The following SHPRH variants were observed in gnomAD, a reference collection of about 807,000 sequenced individuals.
The protein encoded by SHPRH is E3 ubiquitin-protein ligase SHPRH.
SHPRH carries 106 observed loss-of-function variants against 202.5 expected under a neutral mutation model. The observed-to-expected ratio is 0.52, with a 90% CI of 0.45 to 0.62. The LOEUF (loss-of-function observed/expected upper bound fraction) is 0.62, where lower values mean the gene tolerates loss of function less well. Among genes scored for constraint, SHPRH ranks in the 20% least tolerant of loss-of-function variants. The pLI is 0.00. For missense variants in SHPRH, 1,710 were observed against 2,020.0 expected (o/e 0.85, Z 2.94); for synonymous variants, 729 against 686.0 (o/e 1.06, Z -0.98).
At chr6:145,887,816 C>T (rs931955593) in intron 29 of SHPRH, among the ~76,000 whole-genome samples, 10 of 152,158 alleles carry the variant, frequency 6.6e-5, no homozygotes, top group African/African-American at 2.4e-4. Flanking sequence ...TTTATATTTA[C>T]ATGTTACAAT....
At chr6:145,870,293 ACT>A (rs1319715174) in intron 2 of SHPRH, among the ~76,000 whole-genome samples, 1 of 126,286 alleles carries the variant, frequency 7.9e-6, no homozygotes, top group East Asian at 2.5e-4. Flanking sequence ...ATGGAGTCTC[ACT>A]CTGTCGCCCA....
chr6:145,947,120 TA>T (rs1244721128), intron 6 of SHPRH, among the ~76,000 whole-genome samples: 7 of 152,126 alleles, frequency 4.6e-5, no homozygotes, highest in African/African-American at 1.7e-4. Flanking sequence ...GATTTATATA[TA>T]TGAGATTTGT....
chr6:145,889,547 A>C (rs1781406629), intron 28 of SHPRH, among the ~76,000 whole-genome samples: 1 of 152,156 alleles, frequency 6.6e-6, no homozygotes, highest in Non-Finnish European at 1.5e-5. Context: ...CACAGTCAAA[A>C]CACATTAAAA....
At chr6:145,926,949 A>G (rs540566660) in intron 15 of SHPRH, among the ~76,000 whole-genome samples, 1 of 151,940 alleles carries the variant, frequency 6.6e-6, no homozygotes, top group Non-Finnish European at 1.5e-5. Context: ...TTTTAACTGT[A>G]GCTTATATAG....
Position 145,891,537 on chromosome 6 carries a change from C to T in SHPRH, c.4874+1678G>A, listed in dbSNP as rs79562139. The stretch of plus-strand genomic sequence containing the variant: ...CTACCAACCCCATTACAGCTAGAAT[C>T]GCACTCCATGAGGACATCTCATGTT... On this transcript the variant is annotated intron_variant, in intron 28 of 29. Coordinates refer to ENST00000275233, the MANE Select transcript of SHPRH (RefSeq NM_001042683.3). Among the ~76,000 whole-genome samples, 1,078 of 152,244 alleles carry T rather than the reference C, an allele frequency of 7.1e-3. 10 individuals carry two copies. The highest frequency in any genetic ancestry group is 0.024 in the African/African-American group (994 of 41,550).
intron 1 of SHPRH, among the ~76,000 whole-genome samples, chr6:145,958,676 T>C (rs759838982): frequency 3.3e-5 from 5 of 152,184 alleles, no homozygotes; most frequent in South Asian, 2.1e-4. Context: ...AAGGTAGTTA[T>C]TGGCTGCATG....
intron 13 of SHPRH, among the ~76,000 whole-genome samples, chr6:145,933,542 A>C (rs1785698408): frequency 6.6e-6 from 1 of 152,156 alleles, no homozygotes; most frequent in African/African-American, 2.4e-5. Context: ...ATATTTTTTT[A>C]ATCAGTAAAA....
chr6:145,910,433 C>T lies in SHPRH; in HGVS notation c.4515+15G>A. On this transcript the variant is annotated intron_variant, in intron 25 of 29. Transcript: ENST00000275233. ...TGCCTTACCTATGCTTCTATGTGTT[C>T]CTGACCTACTTTACCTTCACAGGGA... is the stretch of plus-strand genomic sequence containing the variant. The T allele has an allele frequency of 6.2e-7, 1 of 1,611,988 alleles. No individual in the cohort carries two copies. The highest frequency in any genetic ancestry group is 8.5e-7 in the Non-Finnish European group (1 of 1,178,842).
chr6:145,961,613 T>C (rs1328997105), intron 1 of SHPRH, among the ~76,000 whole-genome samples: 1 of 152,250 alleles, frequency 6.6e-6, no homozygotes, highest in Non-Finnish European at 1.5e-5. Flanking sequence ...CAGTATCTTT[T>C]AAATTATGTA....
rs576418033 is a variant in SHPRH, at chr6:145,897,199, A to T, written c.4516-2222T>A. On this transcript the variant is annotated intron_variant, in intron 25 of 29. Transcript: ENST00000275233. ...AGTAAAATTTAAAAAATTATAAATGAAAGTAGAGACATTAAAACTGATACC... is the reference window on the plus strand; with the variant it reads ...AGTAAAATTTAAAAAATTATAAATGTAAGTAGAGACATTAAAACTGATACC... 5.1e-3 allele frequency among the ~76,000 whole-genome samples: 776 copies of T among 152,038 alleles called. 4 individuals are homozygous for T. Among genetic ancestry groups the T allele is most frequent in the Middle Eastern group, 0.017 (5 of 294 alleles).
chr6:145,898,442 A>C (rs565380179), intron 25 of SHPRH, among the ~76,000 whole-genome samples: 1 of 139,212 alleles, frequency 7.2e-6, no homozygotes, highest in South Asian at 2.5e-4. Context: ...TAAAATTCTG[A>C]TGACATTTTT....
At chr6:145,862,259 A>G (rs1258394389), downstream of SHPRH, among the ~76,000 whole-genome samples, 2 of 151,714 alleles carry the variant, frequency 1.3e-5, no homozygotes, top group Non-Finnish European at 2.9e-5. Context: ...CAGGAGATTG[A>G]GACCATGGTG....
At chr6:145,922,237 G>C (rs1490452950) in intron 20 of SHPRH, 49 bp downstream of exon 20, 1 of 1,521,248 alleles carries the variant, frequency 6.6e-7, no homozygotes, top group Admixed American at 2.0e-5. Flanking sequence ...ACTGAGTCTT[G>C]CAAAATGTTT....
Position 145,894,978 on chromosome 6 carries a change from C to T in SHPRH, c.4516-1G>A. ...CTTCCACTTTTGTAGAATGGCTGCCCTTTGAACACACACACAAAATACACA... is the reference window on the plus strand; with the variant it reads ...CTTCCACTTTTGTAGAATGGCTGCCTTTTGAACACACACACAAAATACACA... On this transcript the variant is annotated splice_acceptor_variant, in intron 25 of 29. Transcript: ENST00000275233. LOFTEE classifies it high-confidence loss of function. The T allele has an allele frequency of 1.2e-6, 2 of 1,612,294 alleles. No homozygotes were observed. The highest frequency in any genetic ancestry group is 2.2e-5 in the East Asian group (1 of 44,778).
intron 25 of SHPRH, among the ~76,000 whole-genome samples, chr6:145,901,364 C>T (rs1782491984): frequency 6.6e-6 from 1 of 151,996 alleles, no homozygotes; most frequent in Admixed American, 6.6e-5. Context: ...TCAAATCTGC[C>T]AGCTTCTGAG....
At chr6:145,901,581 T>C (rs1782509256) in intron 25 of SHPRH, among the ~76,000 whole-genome samples, 1 of 152,158 alleles carries the variant, frequency 6.6e-6, no homozygotes, top group African/African-American at 2.4e-5. Flanking sequence ...ACAGGTAAAC[T>C]GGTAGCCTCT....
Position 145,947,788 on chromosome 6 carries a change from C to T in SHPRH, c.1062-145G>A, listed in dbSNP as rs1191210668. On this transcript the variant is annotated intron_variant, in intron 5 of 29. Coordinates refer to ENST00000275233, the MANE Select transcript of SHPRH (RefSeq NM_001042683.3). ...ATATTTTAGGGCAAAACAATTCAAA[C>T]CTTAGATTACAAACATTAGAACTGT... 6.4e-6 allele frequency: 7 copies of T among 1,096,264 alleles called. No homozygotes were observed. The African/African-American group carries it at 8.0e-5, about 13-fold the overall frequency. The allele number at this position is 1,096,264 out of a possible 1,614,324, so 67.9% of individuals were successfully genotyped here.
chr6:145,934,350 C>T (rs1381765841), intron 13 of SHPRH, among the ~76,000 whole-genome samples: 1 of 151,716 alleles, frequency 6.6e-6, no homozygotes, highest in African/African-American at 2.4e-5. Flanking sequence ...TCTGTAATCC[C>T]AGGTACTTGG....
intron 7 of SHPRH, 35 bp downstream of exon 7, chr6:145,946,197 TA>T: frequency 6.7e-7 from 1 of 1,494,342 alleles, no homozygotes. Context: ...AAGATCACTA[TA>T]AGAAGGTATT....
Sources: gnomAD v4.1 joint callset for allele counts (sites outside exome capture counted in the v4.1 genomes callset) on GRCh38, gnomAD v4.1.1 for gene constraint, MANE v1.5 for transcripts, NCBI Gene and HGNC (gene_info 2026-07-23, HGNC 2026-07-21) for gene names.